Variants in SND1 observed in about 807,000 individuals in gnomAD.
SND1 encodes the protein staphylococcal nuclease and tudor domain containing 1, also known as staphylococcal nuclease domain-containing protein 1.
SND1 carries 38 observed loss-of-function variants against 121.7 expected under a neutral mutation model. That is an observed-to-expected ratio of 0.31 (90% CI 0.24 to 0.41). The LOEUF is 0.41. SND1 is among the 10% of genes least tolerant of loss of function. The pLI is 1.00. For missense variants in SND1, 868 were observed against 1,184.6 expected, an observed-to-expected ratio of 0.73 and a Z score of 3.92; for synonymous variants, 401 against 447.4, an observed-to-expected ratio of 0.90 and a Z score of 1.31.
chr7:127,686,916 G>T (rs1305858741), intron 2 of SND1, 154 bp downstream of exon 2: 24 of 800,930 alleles, frequency 3.0e-5, no homozygotes, highest in Non-Finnish European at 1.9e-5. Context: ...CAAGCAGCTT[G>T]TATCTGTTGT....
intron 10 of SND1, among the ~76,000 whole-genome samples, chr7:127,723,825 CAT>C (rs1796537965): frequency 6.6e-6 from 1 of 152,138 alleles, no homozygotes; most frequent in African/African-American, 2.4e-5. Flanking sequence ...TAAAAAGAAA[CAT>C]TAATTGTAAT....
chr7:127,817,823 T>C (rs1798473388), intron 11 of SND1, among the ~76,000 whole-genome samples: 1 of 150,922 alleles, frequency 6.6e-6, no homozygotes, highest in South Asian at 2.1e-4. Flanking sequence ...TCCGATAATA[T>C]TTTTGTGACC....
intron 16 of SND1, among the ~76,000 whole-genome samples, chr7:128,059,475 T>C (rs1346272461): frequency 1.3e-5 from 2 of 152,242 alleles, no homozygotes; most frequent in Admixed American, 1.3e-4. Context: ...TTGATTAAAG[T>C]GAATGTTAGG....
At chr7:127,756,395 C>A (rs1051870282) in intron 10 of SND1, among the ~76,000 whole-genome samples, 15 of 152,128 alleles carry the variant, frequency 9.9e-5, no homozygotes, top group African/African-American at 3.6e-4. Flanking sequence ...GGCAGGAGAG[C>A]AGAGAGGGGA....
At chr7:127,970,519 G>C (rs1313873334) in intron 15 of SND1, among the ~76,000 whole-genome samples, 2 of 152,078 alleles carry the variant, frequency 1.3e-5, no homozygotes, top group Non-Finnish European at 2.9e-5. Flanking sequence ...TTTTAGGCAG[G>C]GAAACTAGGA....
intron 16 of SND1, among the ~76,000 whole-genome samples, chr7:128,061,213 C>A (rs540657800): frequency 1.3e-4 from 20 of 152,296 alleles, no homozygotes; most frequent in Admixed American, 1.2e-3. Context: ...ATTAATGAAA[C>A]CCTGGCTCCT....
chr7:127,701,355 C>T (rs780275723), intron 5 of SND1, 32 bp downstream of exon 5: 1 of 1,598,414 alleles, frequency 6.3e-7, no homozygotes, highest in Non-Finnish European at 8.5e-7. Flanking sequence ...AGATACGACT[C>T]AGGGTGATTT....
chr7:127,904,874 G>A, intron 14 of SND1, 55 bp downstream of exon 14: 1 of 1,115,660 alleles, frequency 9.0e-7, no homozygotes, highest in Non-Finnish European at 1.4e-6. Flanking sequence ...GAGCGTGTCT[G>A]CATATTTGCT....
intron 4 of SND1, among the ~76,000 whole-genome samples, chr7:127,700,514 T>A (rs952726049): frequency 6.6e-6 from 1 of 152,202 alleles, no homozygotes; most frequent in Non-Finnish European, 1.5e-5. Flanking sequence ...AGCTCAGATA[T>A]AACAGAGAAA....
At chr7:127,864,188 C>G (rs1444882364) in intron 12 of SND1, among the ~76,000 whole-genome samples, 2 of 102,578 alleles carry the variant, frequency 1.9e-5, no homozygotes, top group Non-Finnish European at 3.5e-5. Flanking sequence ...ACCCCCCACC[C>G]CAGGAAATTA....
intron 10 of SND1, among the ~76,000 whole-genome samples, chr7:127,755,029 G>T (rs1482589993): frequency 1.3e-5 from 2 of 152,170 alleles, no homozygotes; most frequent in Non-Finnish European, 2.9e-5. Flanking sequence ...AGTTCAGGGG[G>T]CCGGGTTGTA....
intron 16 of SND1, among the ~76,000 whole-genome samples, chr7:128,046,944 A>G (rs1792959695): frequency 6.6e-6 from 1 of 152,230 alleles, no homozygotes; most frequent in African/African-American, 2.4e-5. Context: ...CTTTGAAAGT[A>G]TAGTAGTTTT....
intron 11 of SND1, among the ~76,000 whole-genome samples, chr7:127,829,568 T>C (rs915420838): frequency 8.5e-5 from 13 of 152,162 alleles, no homozygotes; most frequent in African/African-American, 3.1e-4. Flanking sequence ...CAACACACTT[T>C]CTCTTATTAT....
In SND1 at chr7:128,081,912, T is replaced by TG. The variant is rs779533162; in HGVS notation, c.2110+416dup. 469 of 536,422 alleles carry TG rather than the reference T, an allele frequency of 8.7e-4. 6 individuals are homozygous for TG. The highest frequency in any genetic ancestry group is 6.4e-3 in the Middle Eastern group (20 of 3,144). 33.2% of individuals were successfully genotyped at this position (536,422 alleles called of 1,614,324 possible). On this transcript the variant is annotated intron_variant, in intron 18 of 23. Coordinates refer to ENST00000354725, the MANE Select transcript of SND1 (RefSeq NM_014390.4). ...AGGCATTGCTCAGCCCGTTTCCCTC[T>TG]GGGGGAGCAAGGAGTGGTGCTGGGT...
At chr7:127,902,200 C>T (rs947558004) in intron 13 of SND1, among the ~76,000 whole-genome samples, 6 of 152,152 alleles carry the variant, frequency 3.9e-5, no homozygotes, top group Admixed American at 2.0e-4. Context: ...AGATGTTCTC[C>T]AGCCCCAGGA....
At chr7:128,009,544 A>T (rs1354098025) in intron 16 of SND1, among the ~76,000 whole-genome samples, 1 of 152,250 alleles carries the variant, frequency 6.6e-6, no homozygotes, top group East Asian at 1.9e-4. Context: ...CGTAATGGAT[A>T]TTGAGCACTT....
chr7:127,815,206 A>AT (rs1336315799), intron 11 of SND1, among the ~76,000 whole-genome samples: 1 of 152,180 alleles, frequency 6.6e-6, no homozygotes, highest in Non-Finnish European at 1.5e-5. Context: ...ATACCCATCC[A>AT]TCTCGAACCT....
At chr7:128,018,857 A>G (rs1584740504) in intron 16 of SND1, among the ~76,000 whole-genome samples, 2 of 152,220 alleles carry the variant, frequency 1.3e-5, no homozygotes, top group South Asian at 4.1e-4. Flanking sequence ...AGAACCCTCT[A>G]CCCTCAACTA....
At chr7:128,026,023 A>AG (rs1803468362) in intron 16 of SND1, among the ~76,000 whole-genome samples, 1 of 152,078 alleles carries the variant, frequency 6.6e-6, no homozygotes, top group African/African-American at 2.4e-5. Flanking sequence ...TGTCAAAAAA[A>AG]AAAAAAGAAG....
Sources: gnomAD v4.1 joint callset for allele counts (sites outside exome capture counted in the v4.1 genomes callset) on GRCh38, gnomAD v4.1.1 for gene constraint, MANE v1.5 for transcripts, NCBI Gene and HGNC (gene_info 2026-07-23, HGNC 2026-07-21) for gene names.